Variants in CACNA1C observed in about 807,000 individuals in gnomAD.
The protein encoded by CACNA1C is voltage-dependent L-type calcium channel subunit alpha-1C.
CACNA1C carries 30 observed loss-of-function variants against 229.0 expected under a neutral mutation model. The observed-to-expected ratio is 0.13, with a 90% CI of 0.10 to 0.18. The LOEUF is 0.18. Among genes scored for constraint, CACNA1C ranks in the 10% least tolerant of loss-of-function variants. The pLI is 1.00. For synonymous variants in CACNA1C, 1,114 were observed against 1,132.5 expected (o/e 0.98, Z 0.33); for missense variants, 1,658 against 2,845.0 (o/e 0.58, Z 9.49).
At chr12:2,207,151 C>T (rs564614877) in intron 3 of CACNA1C, among the ~76,000 whole-genome samples, 1 of 152,308 alleles carries the variant, frequency 6.6e-6, no homozygotes, top group East Asian at 1.9e-4. Flanking sequence ...GGCATCTTGG[C>T]TACATGTGTT....
At chr12:2,662,473 A>G (rs545018377) in intron 34 of CACNA1C, among the ~76,000 whole-genome samples, 4 of 152,338 alleles carry the variant, frequency 2.6e-5, no homozygotes, top group South Asian at 2.1e-4. Flanking sequence ...TGTTGAAACT[A>G]TACCATTTTA....
chr12:2,462,431 T>C (rs2099516614), intron 5 of CACNA1C, among the ~76,000 whole-genome samples: 1 of 144,356 alleles, frequency 6.9e-6, no homozygotes, highest in Non-Finnish European at 1.5e-5. Flanking sequence ...CCCTGCTCCA[T>C]TTCCCCACAT....
intron 3 of CACNA1C, among the ~76,000 whole-genome samples, chr12:2,139,015 G>C (rs2238037): frequency 0.14 from 21,051 of 150,230 alleles, 4,390 homozygotes; most frequent in African/African-American, 0.45. Context: ...GCGTCTCTCA[G>C]TGTGTTTGTT....
intron 3 of CACNA1C, among the ~76,000 whole-genome samples, chr12:2,139,611 G>A (rs1359172643): frequency 6.6e-6 from 1 of 151,138 alleles, no homozygotes; most frequent in Non-Finnish European, 1.5e-5. Context: ...TTGCCTGTTA[G>A]CTCCAGACAG....
At chr12:2,438,060 GTGA>G (rs1324859048) in intron 3 of CACNA1C, among the ~76,000 whole-genome samples, 17 of 146,884 alleles carry the variant, frequency 1.2e-4, no homozygotes, top group Admixed American at 2.0e-4. Context: ...AATGATGGTG[GTGA>G]TGATGGTAGT....
At chr12:2,547,329 A>G (rs2099883231) in intron 9 of CACNA1C, 1 of 649,994 alleles carries the variant, frequency 1.5e-6, no homozygotes, top group Admixed American at 2.7e-5. Flanking sequence ...TCTGTGATAA[A>G]AATGGATGTT....
chr12:2,600,604 C>T (rs146606468), intron 21 of CACNA1C, among the ~76,000 whole-genome samples: 122 of 152,312 alleles, frequency 8.0e-4, no homozygotes, highest in Non-Finnish European at 1.5e-3. Context: ...TTACGCAAGT[C>T]GGCAAAATGA....
At chr12:2,212,767 C>T (rs139351713) in intron 3 of CACNA1C, among the ~76,000 whole-genome samples, 79 of 152,184 alleles carry the variant, frequency 5.2e-4, no homozygotes, top group African/African-American at 1.7e-3. Context: ...GCAGGTGCTG[C>T]GGTCATGAGG....
At position 2,682,172 on chromosome 12, in the gene CACNA1C, T is replaced by C. The variant is rs2097181333; in HGVS notation, c.5445-378T>C. The C allele has an allele frequency of 6.2e-6, 4 of 648,144 alleles. No individual in the cohort carries two copies. In the Admixed American group the frequency reaches 8.4e-5, roughly 14 times the overall value. 40.1% of individuals were successfully genotyped at this position (648,144 alleles called of 1,614,324 possible). A position where few individuals can be genotyped will look rare whatever the true frequency, so the allele number is the denominator to read the frequency against. ...CCAAATGCCAAAGACCCAGGTGTCA[T>C]AGCTGGAGGTGAGTGGGGGGCAGCC... On this transcript the variant is annotated intron_variant, in intron 42 of 46. Transcript: ENST00000399655.
intron 9 of CACNA1C, among the ~76,000 whole-genome samples, chr12:2,531,178 T>C (rs2099840121): frequency 6.6e-6 from 1 of 152,230 alleles, no homozygotes; most frequent in African/African-American, 2.4e-5. Context: ...ATCATTGGCC[T>C]GAGGCCAGTT....
intron 8 of CACNA1C, among the ~76,000 whole-genome samples, chr12:2,510,668 T>G (rs931273485): frequency 2.0e-5 from 3 of 152,164 alleles, no homozygotes; most frequent in Admixed American, 2.0e-4. Context: ...GGAAGGTGTT[T>G]TGTAACCAGA....
chr12:2,199,807 G>A lies in CACNA1C; in HGVS notation c.477+79377G>A, dbSNP rs181843803. 9.2e-5 allele frequency among the ~76,000 whole-genome samples: 14 copies of A among 152,182 alleles called. No homozygotes were observed. In the South Asian group the frequency reaches 1.2e-3, roughly 14 times the overall value. On this transcript the variant is annotated intron_variant, in intron 3 of 46. Transcript: ENST00000399655. ...TAAAGTGGCACCATTTACTTCAGCCGAGAGGTGAAGGCTGCCGTGAGGCAG... is the reference window on the plus strand; with the variant it reads ...TAAAGTGGCACCATTTACTTCAGCCAAGAGGTGAAGGCTGCCGTGAGGCAG...
At position 2,674,567 on chromosome 12, in the gene CACNA1C, C is replaced by T; in HGVS notation, c.4753C>T (p.Leu1585=). 1 of 1,570,878 alleles carries T rather than the reference C, an allele frequency of 6.4e-7. No individual in the cohort carries two copies. The highest frequency in any genetic ancestry group is 8.6e-7 in the Non-Finnish European group (1 of 1,157,450). The change falls in exon 39 of 47, where the codon CTG becomes TTG. Residue 1585 remains leucine (L), a synonymous_variant. Coordinates refer to ENST00000399655, the MANE Select transcript of CACNA1C (RefSeq NM_000719.7). ...GAACCTAGAACAAGCCAATGAGGAG[C>T]TGCGGGCGATCATCAAGAAGATCTG... ...EGNLEQANEE[L]RAIIKKIWKR...
chr12:2,258,865 G>C (rs566571363), intron 3 of CACNA1C, among the ~76,000 whole-genome samples: 3 of 152,318 alleles, frequency 2.0e-5, no homozygotes, highest in Admixed American at 6.5e-5. Context: ...TTTCAGGAGA[G>C]AAGAAGGCAC....
chr12:2,631,222 G>A (rs1299846166), intron 29 of CACNA1C, among the ~76,000 whole-genome samples: 3 of 152,146 alleles, frequency 2.0e-5, no homozygotes, highest in Non-Finnish European at 1.5e-5. Context: ...GGTGGATGAA[G>A]ATTCCAACTC....
chr12:2,159,902 C>G (rs1174015454), intron 3 of CACNA1C, among the ~76,000 whole-genome samples: 1 of 152,230 alleles, frequency 6.6e-6, no homozygotes, highest in African/African-American at 2.4e-5. Flanking sequence ...CCGCTCCTGG[C>G]CTAGACTTAT....
Position 2,653,923 on chromosome 12 carries a change from G to T in CACNA1C, c.4140+23G>T, listed in dbSNP as rs763796877. On this transcript the variant is annotated intron_variant, in intron 33 of 46. Coordinates refer to ENST00000399655, the MANE Select transcript of CACNA1C (RefSeq NM_000719.7). This position sits in a 1 kb window ranked among gnomAD's most constrained non-coding sequence, Gnocchi z 4.7. ...CAGGTAGGGAGGCTCCCACCACGGG[G>T]CTCCTGGCCTCCCGCTCTGTCTCTC... The T allele has an allele frequency of 3.7e-6, 6 of 1,603,138 alleles. No homozygotes were observed. In the South Asian group the frequency reaches 6.6e-5, roughly 18 times the overall value.
rs76226185 is a variant in CACNA1C, at chr12:2,602,630, T to A, written c.2960+670T>A. 7.1e-6 allele frequency among the ~76,000 whole-genome samples: 1 copy of A among 140,798 alleles called. No individual in the cohort carries two copies. The highest frequency in any genetic ancestry group is 2.8e-5 in the African/African-American group (1 of 36,122). 92.4% of individuals were successfully genotyped at this position (140,798 alleles called of 152,430 possible). On this transcript the variant is annotated intron_variant, in intron 22 of 46. Coordinates refer to ENST00000399655, the MANE Select transcript of CACNA1C (RefSeq NM_000719.7). The surrounding 1 kb of genome is among the most constrained non-coding windows in gnomAD (Gnocchi z 4.4). ...GTGTGTGACTGTGTATATTTGTGTCTTGTGTGTGTGTGTGTGTGTGTGTGT... is the reference window on the plus strand; with the variant it reads ...GTGTGTGACTGTGTATATTTGTGTCATGTGTGTGTGTGTGTGTGTGTGTGT...
chr12:2,136,230 A>T (rs2093468578), intron 3 of CACNA1C, among the ~76,000 whole-genome samples: 1 of 151,262 alleles, frequency 6.6e-6, no homozygotes, highest in Admixed American at 6.6e-5. Flanking sequence ...GGTACCTCAG[A>T]TGGAAATGCA....
Sources: allele counts gnomAD v4.1 joint callset (sites outside exome capture counted in the v4.1 genomes callset), GRCh38; gene constraint gnomAD v4.1.1; non-coding constraint Gnocchi (gnomAD v3.1); transcripts MANE v1.5; gene names NCBI Gene and HGNC (gene_info 2026-07-23, HGNC 2026-07-21).